The following OSTC variants were observed in gnomAD, a reference collection of about 807,000 sequenced individuals.
The protein encoded by OSTC is oligosaccharyltransferase complex non-catalytic subunit.
In OSTC, 16 loss-of-function variants were observed where a neutral mutation model predicts 16.4. That is an observed-to-expected ratio of 0.98 (90% confidence interval 0.66 to 1.49). The LOEUF is 1.49. Among genes scored for constraint, OSTC ranks in the 40% most tolerant of loss-of-function variants. The pLI is 0.00. For missense variants in OSTC, 139 were observed against 186.3 expected (o/e 0.75, Z 1.48); for synonymous variants, 67 against 68.5 (o/e 0.98, Z 0.11).
intron 3 of OSTC, among the ~76,000 whole-genome samples, chr4:108,664,385 T>C: frequency 6.6e-6 from 1 of 152,114 alleles, no homozygotes; most frequent in East Asian, 1.9e-4. Flanking sequence ...TACTCTTGTT[T>C]CATAGTGTAA....
At chr4:108,656,933 C>A (rs4956203) in intron 2 of OSTC, among the ~76,000 whole-genome samples, 123,598 of 151,934 alleles carry the variant, frequency 0.81, 50,607 homozygotes, top group East Asian at 1. Flanking sequence ...CCCTGTCTCC[C>A]CTAAAAATAC....
At chr4:108,658,941 A>G (rs1026668509) in intron 3 of OSTC, among the ~76,000 whole-genome samples, 1 of 143,754 alleles carries the variant, frequency 7.0e-6, no homozygotes, top group Non-Finnish European at 1.5e-5. Flanking sequence ...GTGTGGCCAT[A>G]TAGCTGCTCA....
Position 108,667,283 on chromosome 4 carries a change from A to C in OSTC, c.*18A>C, listed in dbSNP as rs1727033497. The C allele has an allele frequency of 6.2e-7, 1 of 1,604,828 alleles. No homozygotes were observed. Among genetic ancestry groups the C allele is most frequent in the African/African-American group, 1.3e-5 (1 of 74,690 alleles). ...TGGGTTAGAGTGCCTTTGAGAAGAA[A>C]TCAGTGGATACTGGATTTGCTCCTG... On this transcript the variant is annotated 3_prime_UTR_variant, in exon 4 of 4. Coordinates refer to ENST00000361564, the MANE Select transcript of OSTC (RefSeq NM_021227.4).
In OSTC at chr4:108,650,691, C is replaced by T. The variant is rs564679661; in HGVS notation, c.36C>T (p.Leu12=). The T allele has an allele frequency of 6.2e-7, 1 of 1,614,186 alleles. No homozygotes were observed. Among genetic ancestry groups the T allele is most frequent in the Admixed American group, 1.7e-5 (1 of 60,032 alleles). ...TGTACCGTGTCCCGTTCTTAGTGCTCGAATGTCCCAACCTGAAGCTGAAGA... is the reference window on the plus strand; with the variant it reads ...TGTACCGTGTCCCGTTCTTAGTGCTTGAATGTCCCAACCTGAAGCTGAAGA... ...ETLYRVPFLV[L]ECPNLKLKKP... The change falls in exon 1 of 4, where the codon CTC becomes CTT. Residue 12 remains leucine (L), a synonymous_variant. Coordinates refer to ENST00000361564, the MANE Select transcript of OSTC (RefSeq NM_021227.4).
chr4:108,652,389 T>G (rs987720217), intron 1 of OSTC: 1 of 152,190 alleles, frequency 6.6e-6, no homozygotes, highest in African/African-American at 2.4e-5. Context: ...CAGTTTTCTT[T>G]GTGGCCCTCT....
chr4:108,657,518 T>G lies in OSTC; in HGVS notation c.302T>G (p.Phe101Cys), dbSNP rs11550399. ...SFLFTMGGLGFIILDRSNAPN... is the reference protein window; with the variant it reads ...SFLFTMGGLGCIILDRSNAPN... The stretch of plus-strand genomic sequence containing the variant: ...CTATTTACAATGGGAGGTTTAGGTT[T>G]CATAATCCTGGACCGATCGAATGCA... Residue 101 changes from phenylalanine (F) to cysteine (C), a missense_variant, in exon 3 of 4, where the codon TTC (phenylalanine) becomes TGC (cysteine). Coordinates refer to ENST00000361564, the MANE Select transcript of OSTC (RefSeq NM_021227.4). The G allele has an allele frequency of 1.2e-6, 2 of 1,613,644 alleles. No homozygotes were observed. The highest frequency in any genetic ancestry group is 2.2e-5 in the East Asian group (1 of 44,856).
At chr4:108,667,149 A>G in intron 3 of OSTC, 98 bp from the exon 4 acceptor site, 1 of 898,384 alleles carries the variant, frequency 1.1e-6, no homozygotes, top group South Asian at 1.7e-5. Context: ...TATTTGATAT[A>G]TCATAAAATT....
intron 3 of OSTC, among the ~76,000 whole-genome samples, chr4:108,661,948 G>C (rs926099500): frequency 2.0e-5 from 3 of 152,196 alleles, no homozygotes; most frequent in African/African-American, 7.2e-5. Flanking sequence ...CTGTGGTGGC[G>C]TGGTAATGCC....
chr4:108,664,631 G>A (rs1726947001), intron 3 of OSTC, among the ~76,000 whole-genome samples: 1 of 150,704 alleles, frequency 6.6e-6, no homozygotes, highest in African/African-American at 2.4e-5. Flanking sequence ...GTCTGGCTCT[G>A]TTGCCAGGCT....
intron 3 of OSTC, among the ~76,000 whole-genome samples, chr4:108,661,723 G>A (rs1427705202): frequency 6.6e-6 from 1 of 151,796 alleles, no homozygotes; most frequent in African/African-American, 2.4e-5. Flanking sequence ...TCAGCCTCCC[G>A]AGTAGCTGGG....
chr4:108,663,130 C>G (rs1015766526), intron 3 of OSTC: 25 of 440,478 alleles, frequency 5.7e-5, no homozygotes, highest in Middle Eastern at 6.7e-4. Context: ...TGTTTTCATT[C>G]TAAAGATAGA....
At chr4:108,658,718 CTG>C (rs1286648279) in intron 3 of OSTC, among the ~76,000 whole-genome samples, 1 of 152,046 alleles carries the variant, frequency 6.6e-6, no homozygotes, top group African/African-American at 2.4e-5. Flanking sequence ...TTTTTAGGGA[CTG>C]TGTTAAACAT....
intron 2 of OSTC, among the ~76,000 whole-genome samples, chr4:108,657,033 C>A (rs1726724935): frequency 6.6e-6 from 1 of 151,348 alleles, no homozygotes; most frequent in Non-Finnish European, 1.5e-5. Context: ...TGCCACAGCA[C>A]TCCAGCCTGG....
chr4:108,660,714 C>T (rs186919320), intron 3 of OSTC, among the ~76,000 whole-genome samples: 1 of 152,236 alleles, frequency 6.6e-6, no homozygotes, highest in Admixed American at 6.5e-5. Context: ...CCATGATAAC[C>T]TCCAGGGTGG....
At chr4:108,652,668 C>T (rs899252114) in intron 1 of OSTC, among the ~76,000 whole-genome samples, 1 of 152,106 alleles carries the variant, frequency 6.6e-6, no homozygotes, top group Non-Finnish European at 1.5e-5. Context: ...AACATAAGGA[C>T]CCTGACCTCC....
At chr4:108,652,300 C>CAAT (rs1726575670) in intron 1 of OSTC, 2 of 152,092 alleles carry the variant, frequency 1.3e-5, no homozygotes, top group African/African-American at 4.8e-5. Flanking sequence ...AGTCATTATT[C>CAAT]AATAATAATA....
At chr4:108,655,135 G>A (rs1316974509) in intron 1 of OSTC, among the ~76,000 whole-genome samples, 1 of 152,140 alleles carries the variant, frequency 6.6e-6, no homozygotes, top group African/African-American at 2.4e-5. Context: ...GCCACATTTG[G>A]TTATAATAAT....
intron 1 of OSTC, among the ~76,000 whole-genome samples, chr4:108,654,323 G>A (rs1560622353): frequency 6.6e-6 from 1 of 152,198 alleles, no homozygotes; most frequent in South Asian, 2.1e-4. Context: ...CTTTCAGAAA[G>A]CAAAGATAGA....
chr4:108,665,903 T>A (rs566115677), intron 3 of OSTC, among the ~76,000 whole-genome samples: 1 of 152,232 alleles, frequency 6.6e-6, no homozygotes, highest in South Asian at 2.1e-4. Flanking sequence ...TTTCCATTTT[T>A]TTTTCCTGAT....
Sources: gnomAD v4.1 joint callset for allele counts (sites outside exome capture counted in the v4.1 genomes callset) on GRCh38, gnomAD v4.1.1 for gene constraint, MANE v1.5 for transcripts, NCBI Gene and HGNC (gene_info 2026-07-23, HGNC 2026-07-21) for gene names.